The following NPAS2 variants were observed in gnomAD, a reference collection of about 807,000 sequenced individuals.
NPAS2 encodes the protein neuronal PAS domain protein 2.
Under a neutral mutation model 107.5 loss-of-function variants are expected in NPAS2, and 23 were observed. That is an observed-to-expected ratio of 0.21 (90% confidence interval 0.15 to 0.30). The LOEUF (loss-of-function observed/expected upper bound fraction) is 0.30, where lower values mean the gene tolerates loss of function less well. NPAS2 is among the 10% of genes least tolerant of loss of function. The pLI is 1.00. For missense variants in NPAS2, 756 were observed against 1,043.3 expected, an observed-to-expected ratio of 0.72 and a Z score of 3.79; for synonymous variants, 403 against 417.5, an observed-to-expected ratio of 0.97 and a Z score of 0.42.
chr2:100,867,955 AAATT>A (rs1301759583), intron 1 of NPAS2, among the ~76,000 whole-genome samples: 1 of 152,114 alleles, frequency 6.6e-6, no homozygotes, highest in African/African-American at 2.4e-5. Flanking sequence ...ACTTCTGTTC[AAATT>A]AATTAATTAA....
At chr2:100,926,781 G>A (rs1469369656) in intron 3 of NPAS2, among the ~76,000 whole-genome samples, 1 of 151,864 alleles carries the variant, frequency 6.6e-6, no homozygotes, top group East Asian at 1.9e-4. Flanking sequence ...ACACACGAAG[G>A]TTTTAAATTT....
intron 3 of NPAS2, among the ~76,000 whole-genome samples, chr2:100,926,796 C>T (rs1266996672): frequency 6.6e-6 from 1 of 152,128 alleles, no homozygotes; most frequent in Non-Finnish European, 1.5e-5. Context: ...AAATTTTAAT[C>T]AGTTAATGTC....
At chr2:100,908,555 A>G (rs1048590299) in intron 2 of NPAS2, among the ~76,000 whole-genome samples, 1 of 152,138 alleles carries the variant, frequency 6.6e-6, no homozygotes, top group Non-Finnish European at 1.5e-5. Context: ...CCACCTTCCC[A>G]AGGGGTAGAG....
At chr2:100,963,945 C>G (rs1676063104) in intron 7 of NPAS2, 113 bp from the exon 8 acceptor site, 1 of 674,968 alleles carries the variant, frequency 1.5e-6, no homozygotes, top group African/African-American at 1.8e-5. Flanking sequence ...AGTTAATATA[C>G]TCTACATAAA....
chr2:100,962,628 AC>A (rs1395472739), intron 7 of NPAS2: 1 of 152,160 alleles, frequency 6.6e-6, no homozygotes, highest in Non-Finnish European at 1.5e-5. Flanking sequence ...TCCCAAGGGA[AC>A]CCCACCCGTG....
chr2:100,948,365 A>AT lies in NPAS2; in HGVS notation c.484+15dup, dbSNP rs745649167. ...CCAGAATACTTAAAATGTAAGTTTAATTTTTCTGGTTTTACAAGCTAGAAA... is the reference window on the plus strand; with the variant it reads ...CCAGAATACTTAAAATGTAAGTTTAATTTTTTCTGGTTTTACAAGCTAGAAA... On this transcript the variant is annotated intron_variant, in intron 6 of 20. Coordinates refer to ENST00000335681, the MANE Select transcript of NPAS2 (RefSeq NM_002518.4). 6.3e-7 allele frequency: 1 copy of AT among 1,586,500 alleles called. No individual in the cohort carries two copies. The highest frequency in any genetic ancestry group is 8.6e-7 in the Non-Finnish European group (1 of 1,168,032).
chr2:100,845,086 A>G (rs1408266281), intron 1 of NPAS2, among the ~76,000 whole-genome samples: 1 of 152,162 alleles, frequency 6.6e-6, no homozygotes, highest in African/African-American at 2.4e-5. Context: ...GGCTGTTGGC[A>G]TGGGGGAGCT....
intron 1 of NPAS2, chr2:100,878,498 G>A: frequency 1.0e-6 from 1 of 985,424 alleles, no homozygotes; most frequent in South Asian, 4.7e-5. Context: ...AAGAAGAAAA[G>A]GCATGGAGAG....
intron 1 of NPAS2, among the ~76,000 whole-genome samples, chr2:100,837,251 C>T (rs1423431663): frequency 6.6e-6 from 1 of 152,074 alleles, no homozygotes; most frequent in African/African-American, 2.4e-5. Flanking sequence ...TGTAAAAGGC[C>T]GTATTGATCC....
intron 1 of NPAS2, among the ~76,000 whole-genome samples, chr2:100,875,154 C>T (rs907183864): frequency 4.6e-5 from 7 of 152,120 alleles, no homozygotes; most frequent in East Asian, 1.9e-4. Flanking sequence ...ACCTTATGGG[C>T]GTTATGCTAA....
intron 1 of NPAS2, among the ~76,000 whole-genome samples, chr2:100,877,743 C>T (rs961765035): frequency 1.3e-5 from 2 of 152,114 alleles, no homozygotes; most frequent in Non-Finnish European, 2.9e-5. Flanking sequence ...TTGAATATGG[C>T]GTGACTCATC....
chr2:100,947,483 G>A (rs1005336000), intron 5 of NPAS2, among the ~76,000 whole-genome samples: 5 of 150,028 alleles, frequency 3.3e-5, no homozygotes, highest in African/African-American at 7.4e-5. Context: ...CCTGGAAGGT[G>A]GAGGCTGGCA....
At chr2:100,977,595 C>G in intron 14 of NPAS2, 115 bp from the exon 15 acceptor site, 2 of 832,134 alleles carry the variant, frequency 2.4e-6, no homozygotes, top group Non-Finnish European at 4.1e-6. Context: ...GAACTCTTGA[C>G]TTGGAGCTGT....
chr2:100,847,337 A>G (rs1677836810), intron 1 of NPAS2: 1 of 152,058 alleles, frequency 6.6e-6, no homozygotes, highest in African/African-American at 2.4e-5. Context: ...AAAATTGTGC[A>G]CTTTAGATTA....
In NPAS2 at chr2:100,951,847, C is replaced by T. The variant is rs185337187; in HGVS notation, c.598+2367C>T. 1.4e-3 allele frequency among the ~76,000 whole-genome samples: 220 copies of T among 151,932 alleles called. 2 individuals carry two copies. Among genetic ancestry groups the T allele is most frequent in the African/African-American group, 5.2e-3 (214 of 41,404 alleles). ...GGCAAACTTTGTTATATGTGTTTTACCACAATTTTTAAAAAATGATGGCCA... is the reference window on the plus strand; with the variant it reads ...GGCAAACTTTGTTATATGTGTTTTATCACAATTTTTAAAAAATGATGGCCA... On this transcript the variant is annotated intron_variant, in intron 7 of 20. Coordinates refer to ENST00000335681, the MANE Select transcript of NPAS2 (RefSeq NM_002518.4).
chr2:100,907,489 AACAC>A lies in NPAS2; in HGVS notation c.32+2734_32+2737del, dbSNP rs55951417. Among the ~76,000 whole-genome samples, 209 of 144,768 alleles carry A rather than the reference AACAC, an allele frequency of 1.4e-3. 1 individual carries two copies. Among genetic ancestry groups the A allele is most frequent in the African/African-American group, 4.0e-3 (156 of 38,794 alleles). 95.0% of individuals were successfully genotyped at this position (144,768 alleles called of 152,430 possible). ...CGCAGTACCCCTCCTAACACTTGGG[AACAC>A]ACACACACACACACACACACACACA... is the stretch of plus-strand genomic sequence containing the variant. On this transcript the variant is annotated intron_variant, in intron 2 of 20. Coordinates refer to ENST00000335681, the MANE Select transcript of NPAS2 (RefSeq NM_002518.4).
At chr2:100,873,876 T>C (rs1679783239) in intron 1 of NPAS2, among the ~76,000 whole-genome samples, 1 of 152,068 alleles carries the variant, frequency 6.6e-6, no homozygotes, top group South Asian at 2.1e-4. Flanking sequence ...TTTAAAGGCT[T>C]AAAGACAGAA....
At chr2:100,914,361 G>A (rs1682741136) in intron 2 of NPAS2, among the ~76,000 whole-genome samples, 3 of 152,196 alleles carry the variant, frequency 2.0e-5, no homozygotes. Flanking sequence ...CAGAGTTCTA[G>A]AGAGCTACGC....
At chr2:100,885,600 T>C (rs1252451880) in intron 1 of NPAS2, among the ~76,000 whole-genome samples, 1 of 152,242 alleles carries the variant, frequency 6.6e-6, no homozygotes, top group Non-Finnish European at 1.5e-5. Context: ...GTAAGTCAAG[T>C]AAATGGAACG....
Sources: allele counts gnomAD v4.1 joint callset (sites outside exome capture counted in the v4.1 genomes callset), GRCh38; gene constraint gnomAD v4.1.1; transcripts MANE v1.5; gene names NCBI Gene and HGNC (gene_info 2026-07-23, HGNC 2026-07-21).